IL34: variants seen among roughly 807,000 people sequenced by gnomAD.
IL34 encodes interleukin 34.
Under a neutral mutation model 25.3 loss-of-function variants are expected in IL34, and 17 were observed. That is an observed-to-expected ratio of 0.67 (90% CI 0.46 to 1.01). The LOEUF is 1.01. IL34 is among the 50% of genes least tolerant of loss of function. The pLI, the probability that IL34 is intolerant of heterozygous loss-of-function variation, is 0.00. For missense variants in IL34, 368 were observed against 312.9 expected (o/e 1.18, Z -1.33); for synonymous variants, 174 against 140.9 (o/e 1.23, Z -1.66).
At chr16:70,636,110 C>T (rs8055567) in intron 1 of IL34, among the ~76,000 whole-genome samples, 5,091 of 151,600 alleles carry the variant, frequency 0.034, 311 homozygotes, top group African/African-American at 0.12. Context: ...ATGATCTCAA[C>T]TCAATGTAGC....
chr16:70,642,459 G>A (rs1020977095), upstream of IL34, among the ~76,000 whole-genome samples: 2 of 151,954 alleles, frequency 1.3e-5, no homozygotes, highest in Admixed American at 6.6e-5. Context: ...CACTGCGCCC[G>A]CCTAATTTTT....
chr16:70,607,306 G>A (rs2051021701), intron 1 of IL34, among the ~76,000 whole-genome samples: 1 of 152,086 alleles, frequency 6.6e-6, no homozygotes, highest in Non-Finnish European at 1.5e-5. Flanking sequence ...GGGTTTCACT[G>A]TGTTAGCCAG....
chr16:70,643,275 G>T (rs2051829985), upstream of IL34, among the ~76,000 whole-genome samples: 1 of 152,148 alleles, frequency 6.6e-6, no homozygotes, highest in African/African-American at 2.4e-5. Flanking sequence ...TATTGGCCAG[G>T]CTGGTCTCGA....
chr16:70,601,813 C>T (rs1428700676), intron 1 of IL34, among the ~76,000 whole-genome samples: 3 of 152,242 alleles, frequency 2.0e-5, no homozygotes, highest in Non-Finnish European at 4.4e-5. Flanking sequence ...GGGGCCTTCT[C>T]ATGGCCCTGG....
chr16:70,604,047 G>T (rs1409077811), intron 1 of IL34, among the ~76,000 whole-genome samples: 1 of 152,154 alleles, frequency 6.6e-6, no homozygotes, highest in Admixed American at 6.6e-5. Context: ...ATTCAGTGGG[G>T]CTGCTGTTCC....
At chr16:70,635,278 C>G (rs767422482) in intron 1 of IL34, among the ~76,000 whole-genome samples, 1 of 152,210 alleles carries the variant, frequency 6.6e-6, no homozygotes, top group Non-Finnish European at 1.5e-5. Context: ...CAGATATTTT[C>G]TTTGCTCCAT....
upstream of IL34, among the ~76,000 whole-genome samples, chr16:70,645,124 A>C: frequency 6.9e-6 from 1 of 145,188 alleles, no homozygotes; most frequent in East Asian, 2.1e-4. Context: ...AAGAAGAGGG[A>C]GGAAGGAGGA....
rs79022392 is a variant in IL34, at chr16:70,637,587, G to GC, written c.-400-8954dup. Among the ~76,000 whole-genome samples, 8 of 151,818 alleles carry GC rather than the reference G, an allele frequency of 5.3e-5. No individual in the cohort carries two copies. The South Asian group carries it at 6.3e-4, about 12-fold the overall frequency. Reference sequence around the variant, plus strand: ...TCAAACTCCTGACCTCAGATGATCTGCCCCCCCTCGACCTCCCAAAATGCT... The same window carrying GC: ...TCAAACTCCTGACCTCAGATGATCTGCCCCCCCCTCGACCTCCCAAAATGCT... On this transcript the variant is annotated intron_variant, in intron 1 of 6. Transcript: ENST00000429149.
chr16:70,652,121 C>G (rs867872311), intron 1 of IL34, among the ~76,000 whole-genome samples: 1 of 145,954 alleles, frequency 6.9e-6, no homozygotes. Context: ...GAGCGGGACT[C>G]CGTCTCAAAA....
chr16:70,592,801 C>G (rs1436987119), intron 1 of IL34, among the ~76,000 whole-genome samples: 1 of 151,946 alleles, frequency 6.6e-6, no homozygotes, highest in African/African-American at 2.4e-5. Context: ...ATTACAGGCA[C>G]ATGCCACCAT....
In IL34 at chr16:70,624,829, A is replaced by C. The variant is rs112506116; in HGVS notation, c.-400-21719A>C. On this transcript the variant is annotated intron_variant, in intron 1 of 6. Transcript: ENST00000429149. ...AGAATTGGGACCTAGCTTGGCCTGG[A>C]GAGGAGGGGAGAGGTCAGATGGGTC... Among the ~76,000 whole-genome samples the C allele has an allele frequency of 1.9e-3, 280 of 150,700 alleles. 2 individuals are homozygous for C. The highest frequency in any genetic ancestry group is 0.012 in the East Asian group (60 of 5,134).
rs34816911 is a variant in IL34, at chr16:70,636,585, TCACACACACACACACACA to T, written c.-400-9936_-400-9919del. 7.3e-5 allele frequency among the ~76,000 whole-genome samples: 10 copies of T among 136,384 alleles called. No homozygotes were observed. The South Asian group carries it at 7.4e-4, about 10-fold the overall frequency. 89.5% of individuals were successfully genotyped at this position (136,384 alleles called of 152,430 possible). A position where few individuals can be genotyped will look rare whatever the true frequency, so the allele number is the denominator to read the frequency against. On this transcript the variant is annotated intron_variant, in intron 1 of 6. Coordinates refer to the IL34 transcript ENST00000429149. Reference sequence around the variant, plus strand: ...AGCCTGGACAACATAGCAAACCCTGTCACACACACACACACACACACACACACACACACACACACACAC... The same window carrying T: ...AGCCTGGACAACATAGCAAACCCTGTCACACACACACACACACACACACAC...
At chr16:70,641,565 CTT>C (rs570531262), upstream of IL34, among the ~76,000 whole-genome samples, 2 of 107,972 alleles carry the variant, frequency 1.9e-5, no homozygotes. Flanking sequence ...GCCTTTCTTT[CTT>C]TTTTTTTTTA....
intron 1 of IL34, among the ~76,000 whole-genome samples, chr16:70,628,089 G>A (rs1274225783): frequency 1.3e-5 from 2 of 152,120 alleles, no homozygotes; most frequent in African/African-American, 2.4e-5. Flanking sequence ...ATTCTACATT[G>A]TTGCAACACT....
chr16:70,660,078 A>G lies in IL34; in HGVS notation c.620A>G (p.Tyr207Cys), dbSNP rs745769402. The change falls in exon 6 of 6, where the codon TAT becomes TGT. Residue 207 changes from tyrosine to cysteine, a missense_variant. By Grantham distance (194) the Tyr-to-Cys change is radical. Transcript: ENST00000288098. ...QSCSPEPSLQ[Y>C]AATQLYPPPP... Reference sequence around the variant, plus strand: ...TGCAGCCCAGAGCCCTCATTGCAGTATGCGGCCACCCAGCTGTACCCTCCG... The same window carrying G: ...TGCAGCCCAGAGCCCTCATTGCAGTGTGCGGCCACCCAGCTGTACCCTCCG... The G allele has an allele frequency of 1.9e-6, 3 of 1,613,564 alleles. No individual in the cohort carries two copies. Among genetic ancestry groups the G allele is most frequent in the Admixed American group, 3.3e-5 (2 of 59,970 alleles).
chr16:70,615,583 C>T (rs2051161399), intron 1 of IL34, among the ~76,000 whole-genome samples: 1 of 152,150 alleles, frequency 6.6e-6, no homozygotes, highest in Non-Finnish European at 1.5e-5. Context: ...ATCTTTCACG[C>T]TTTAGTGTGA....
chr16:70,655,705 A>C lies in IL34; in HGVS notation c.163-897A>C, dbSNP rs150084502. On this transcript the variant is annotated intron_variant, in intron 2 of 5. Coordinates refer to ENST00000288098, the MANE Select transcript of IL34 (RefSeq NM_001393494.1). Reference sequence around the variant, plus strand: ...CCATGCCTGACCAATGTATCTTTTTAAATTAATTAATTTAATTTTTAGAGA... The same window carrying C: ...CCATGCCTGACCAATGTATCTTTTTCAATTAATTAATTTAATTTTTAGAGA... Among the ~76,000 whole-genome samples the C allele has an allele frequency of 6.8e-3, 1,032 of 152,096 alleles. 7 individuals carry two copies. Among genetic ancestry groups the C allele is most frequent in the Middle Eastern group, 0.02 (6 of 294 alleles).
intron 2 of IL34, among the ~76,000 whole-genome samples, chr16:70,655,377 C>T (rs1286433468): frequency 6.8e-6 from 1 of 147,788 alleles, no homozygotes; most frequent in African/African-American, 2.5e-5. Context: ...AATTTTTTAA[C>T]TTTTCCTAAA....
chr16:70,646,247 G>A (rs1416197461), upstream of IL34, among the ~76,000 whole-genome samples: 1 of 152,040 alleles, frequency 6.6e-6, no homozygotes, highest in Non-Finnish European at 1.5e-5. Context: ...TTTTTAACCT[G>A]TCCTTTAGCC....
Sources: gnomAD v4.1 joint callset for allele counts (sites outside exome capture counted in the v4.1 genomes callset) on GRCh38, gnomAD v4.1.1 for gene constraint, MANE v1.5 for transcripts, NCBI Gene and HGNC (gene_info 2026-07-23, HGNC 2026-07-21) for gene names.